The following IL7 variants were observed in gnomAD, a reference collection of about 807,000 sequenced individuals.
IL7 encodes the protein interleukin 7.
A neutral mutation model predicts 21.6 loss-of-function variants in IL7; 3 were observed. That is an observed-to-expected ratio of 0.14 (90% CI 0.06 to 0.36). The LOEUF (loss-of-function observed/expected upper bound fraction) is 0.36. Ranked by LOEUF, IL7 falls within the 10% of genes least tolerant of loss-of-function variation. The pLI, the probability that IL7 is intolerant of heterozygous loss-of-function variation, is 1.00. For synonymous variants in IL7, 62 were observed against 68.1 expected, an observed-to-expected ratio of 0.91 and a Z score of 0.44; for missense variants, 175 against 200.2, an observed-to-expected ratio of 0.87 and a Z score of 0.76.
intron 4 of IL7, among the ~76,000 whole-genome samples, chr8:78,683,169 A>T (rs10111625): frequency 6.6e-6 from 1 of 151,504 alleles, no homozygotes; most frequent in Non-Finnish European, 1.5e-5. Flanking sequence ...TGGATCTACC[A>T]TTCTGGGGTC....
chr8:78,698,354 GCT>G, intron 3 of IL7: 1 of 1,334,696 alleles, frequency 7.5e-7, no homozygotes, highest in Non-Finnish European at 1.0e-6. Flanking sequence ...TTTGTTAGAT[GCT>G]CTGTTTTATG....
intron 2 of IL7, among the ~76,000 whole-genome samples, chr8:78,769,014 G>A (rs1812857870): frequency 6.6e-6 from 1 of 152,152 alleles, no homozygotes; most frequent in Admixed American, 6.5e-5. Flanking sequence ...CAATAACTTA[G>A]GTATTGATGG....
intron 2 of IL7, among the ~76,000 whole-genome samples, chr8:78,751,136 G>A (rs1346792281): frequency 2.0e-5 from 3 of 150,710 alleles, no homozygotes; most frequent in African/African-American, 7.3e-5. Context: ...TCTAAGAACT[G>A]TGGGACAACT....
downstream of IL7, among the ~76,000 whole-genome samples, chr8:78,728,408 T>C (rs955201608): frequency 2.0e-5 from 3 of 152,134 alleles, no homozygotes; most frequent in Admixed American, 6.6e-5. Context: ...ACTGTGGTAT[T>C]GGAGAAAGGA....
At chr8:78,800,872 TA>T (rs1814033649) in intron 1 of IL7, among the ~76,000 whole-genome samples, 1 of 152,224 alleles carries the variant, frequency 6.6e-6, no homozygotes, top group Admixed American at 6.5e-5. Context: ...CTTTTACCAT[TA>T]TCATAAATAT....
chr8:78,737,620 A>G (rs1466317989), intron 4 of IL7, among the ~76,000 whole-genome samples: 1 of 152,148 alleles, frequency 6.6e-6, no homozygotes, highest in African/African-American at 2.4e-5. Context: ...GATAATCTAC[A>G]TTTTTATCAC....
chr8:78,702,033 A>G (rs1428218942), intron 3 of IL7, among the ~76,000 whole-genome samples: 1 of 152,092 alleles, frequency 6.6e-6, no homozygotes, highest in Non-Finnish European at 1.5e-5. Context: ...TTTTGGAATA[A>G]TATCAGTAGG....
At chr8:78,759,443 G>T (rs535364638) in intron 2 of IL7, among the ~76,000 whole-genome samples, 1 of 151,834 alleles carries the variant, frequency 6.6e-6, no homozygotes, top group Non-Finnish European at 1.5e-5. Flanking sequence ...CAAATCAGTT[G>T]TCAGTATCCA....
intron 2 of IL7, among the ~76,000 whole-genome samples, chr8:78,771,324 T>C (rs1812945626): frequency 6.6e-6 from 1 of 152,150 alleles, no homozygotes; most frequent in Admixed American, 6.6e-5. Context: ...AAATAAAGGT[T>C]ATCCCATCTC....
chr8:78,712,819 A>C (rs1358072215), intron 3 of IL7, among the ~76,000 whole-genome samples: 1 of 152,212 alleles, frequency 6.6e-6, no homozygotes, highest in Non-Finnish European at 1.5e-5. Flanking sequence ...TATACCTATT[A>C]ATGGTGGAAA....
chr8:78,766,350 T>C (rs566579952), intron 2 of IL7, among the ~76,000 whole-genome samples: 1 of 152,084 alleles, frequency 6.6e-6, no homozygotes, highest in South Asian at 2.1e-4. Context: ...ATGTGTAGAG[T>C]CATTGATCAT....
chr8:78,698,590 C>G (rs1254991049), intron 3 of IL7: 3 of 1,088,418 alleles, frequency 2.8e-6, no homozygotes, highest in Non-Finnish European at 3.8e-6. Flanking sequence ...TTGATAATTG[C>G]TTTTTCATTC....
intron 2 of IL7, among the ~76,000 whole-genome samples, chr8:78,793,700 C>G (rs903712893): frequency 6.6e-6 from 1 of 151,980 alleles, no homozygotes; most frequent in African/African-American, 2.4e-5. Context: ...ATGAAGTTTG[C>G]CACATAGATT....
At chr8:78,688,695 A>AT (rs1491394713) in intron 3 of IL7, among the ~76,000 whole-genome samples, 2 of 152,142 alleles carry the variant, frequency 1.3e-5, no homozygotes, top group African/African-American at 4.8e-5. Context: ...TGTCAGTGAG[A>AT]TATATTTTAA....
rs1812559239 is a variant in IL7 at position 78,761,616 on chromosome 8, C to T, written c.148-21534G>A. On this transcript the variant is annotated intron_variant, in intron 2 of 5. Transcript: ENST00000263851. ...AACACAGGTAGGTGCTCTTCCCCTG[C>T]TATGTCCACTACATCGTCAGTGATA... 2.9e-5 allele frequency: 47 copies of T among 1,611,854 alleles called. 1 individual carries two copies. The South Asian group carries it at 4.5e-4, about 15-fold the overall frequency.
intron 3 of IL7, among the ~76,000 whole-genome samples, chr8:78,696,301 T>C (rs1164397423): frequency 1.3e-5 from 2 of 152,222 alleles, no homozygotes; most frequent in Non-Finnish European, 2.9e-5. Flanking sequence ...TCCAAAGTGC[T>C]GGGATTACAG....
At chr8:78,692,976 G>A (rs932094288) in intron 3 of IL7, among the ~76,000 whole-genome samples, 6 of 151,994 alleles carry the variant, frequency 3.9e-5, no homozygotes, top group African/African-American at 1.5e-4. Context: ...GTGAGAACAT[G>A]CGGTGTTTGG....
At chr8:78,695,133 C>T (rs940207458) in intron 3 of IL7, among the ~76,000 whole-genome samples, 6 of 151,978 alleles carry the variant, frequency 3.9e-5, no homozygotes, top group African/African-American at 9.7e-5. Flanking sequence ...AAGCAGTTTT[C>T]GGAAAGGAAA....
intron 2 of IL7, chr8:78,760,894 G>A (rs1460846318): frequency 9.0e-6 from 14 of 1,558,024 alleles, no homozygotes; most frequent in South Asian, 7.3e-5. Flanking sequence ...TCAAGCTACC[G>A]GCTGCAAAGA....
Sources: allele counts gnomAD v4.1 joint callset (sites outside exome capture counted in the v4.1 genomes callset), GRCh38; gene constraint gnomAD v4.1.1; transcripts MANE v1.5; gene names NCBI Gene and HGNC (gene_info 2026-07-23, HGNC 2026-07-21).